CHD5: variants seen among roughly 807,000 people sequenced by gnomAD.
The protein encoded by CHD5 is chromodomain helicase DNA binding protein 5, also known as ATP-dependent chromatin remodeler CHD5.
A neutral mutation model predicts 230.3 loss-of-function variants in CHD5; 69 were observed. The observed-to-expected ratio is 0.30, with a 90% confidence interval of 0.25 to 0.37. CHD5 has a LOEUF of 0.37. Ranked by LOEUF, CHD5 falls within the 10% of genes least tolerant of loss-of-function variation. CHD5 has a pLI of 1.00. For synonymous variants in CHD5, 1,064 were observed against 1,065.9 expected (o/e 1.00, Z 0.03); for missense variants, 1,827 against 2,622.8 (o/e 0.70, Z 6.63).
In CHD5 at chr1:6,127,216, G is replaced by T. The variant is rs114664570; in HGVS notation, c.3904-470C>A. ...GAAAAGTGTGGGGTGGACCAGGCGTGGTGGCTCATTCCTTAACCCCAGAAC... is the reference window on the plus strand; with the variant it reads ...GAAAAGTGTGGGGTGGACCAGGCGTTGTGGCTCATTCCTTAACCCCAGAAC... On this transcript the variant is annotated intron_variant, in intron 25 of 41. Transcript: ENST00000262450. 426 of 167,602 alleles carry T rather than the reference G, an allele frequency of 2.5e-3. 3 individuals are homozygous for T. Among genetic ancestry groups the T allele is most frequent in the African/African-American group, 9.9e-3 (413 of 41,676 alleles). 10.4% of individuals were successfully genotyped at this position (167,602 alleles called of 1,614,324 possible).
In CHD5 at chr1:6,149,037, G is replaced by A. The variant is rs773732605; in HGVS notation, c.1200C>T (p.Asp400=). 4 of 1,587,412 alleles carry A rather than the reference G, an allele frequency of 2.5e-6. No homozygotes were observed. Among genetic ancestry groups the A allele is most frequent in the Non-Finnish European group, 3.4e-6 (4 of 1,167,612 alleles). The change falls in exon 9 of 42, where the codon GAC becomes GAT. Residue 400 remains aspartate, a synonymous_variant. Transcript: ENST00000262450. ...EGIQWEPKDD[D]DEEEEGGCEE... ...CGCAGCCGCCCTCCTCCTCTTCATC[G>A]TCGTCGTCCTTCGGCTCCCACTGGA...
Position 6,146,092 on chromosome 1 carries a change from C to G in CHD5, c.1802+120G>C. 1 of 934,688 alleles carries G rather than the reference C, an allele frequency of 1.1e-6. No individual in the cohort carries two copies. Among genetic ancestry groups the G allele is most frequent in the Non-Finnish European group, 1.6e-6 (1 of 613,782 alleles). 57.9% of individuals were successfully genotyped at this position (934,688 alleles called of 1,614,324 possible). On this transcript the variant is annotated intron_variant, in intron 11 of 41. Transcript: ENST00000262450. The surrounding 1 kb of genome is among the most constrained non-coding windows in gnomAD (Gnocchi z 5.1). The stretch of plus-strand genomic sequence containing the variant: ...GCCCCTGCTGTGCCCACATGTGGTT[C>G]TGCACGGCAGCCCCAAAGCAAGGGC...
chr1:6,178,286 C>CGAA (rs1190960271), intron 1 of CHD5, among the ~76,000 whole-genome samples: 4,907 of 152,104 alleles, frequency 0.032, 266 homozygotes, highest in African/African-American at 0.11. Context: ...GGGCACCTTC[C>CGAA]CTGGCCTCTT....
At chr1:6,140,967 A>AAAT (rs60543576) in intron 15 of CHD5, among the ~76,000 whole-genome samples, 19,632 of 139,718 alleles carry the variant, frequency 0.14, 1,603 homozygotes, top group East Asian at 0.43. Context: ...CCCTGTCTCA[A>AAAT]AATAATAATA....
chr1:6,173,688 C>A (rs1169572326), intron 1 of CHD5, among the ~76,000 whole-genome samples: 1 of 152,140 alleles, frequency 6.6e-6, no homozygotes, highest in Non-Finnish European at 1.5e-5. Context: ...GCAGGCAGAG[C>A]CCAGCGAGAC....
intron 3 of CHD5, among the ~76,000 whole-genome samples, chr1:6,158,438 G>C (rs1571166119): frequency 1.3e-5 from 2 of 152,142 alleles, no homozygotes; most frequent in East Asian, 3.8e-4. Context: ...TTATTTTCCC[G>C]AATTGCTCCA....
chr1:6,106,324 T>A (rs370640647), intron 40 of CHD5, 37 bp from the exon 41 acceptor site: 95 of 1,612,580 alleles, frequency 5.9e-5, no homozygotes, highest in Non-Finnish European at 7.5e-5. Flanking sequence ...TTGCCTGACG[T>A]TGGCAGCAGC....
chr1:6,164,655 G>A (rs1209565205), intron 2 of CHD5, among the ~76,000 whole-genome samples: 2 of 152,138 alleles, frequency 1.3e-5, no homozygotes, highest in Non-Finnish European at 2.9e-5. Flanking sequence ...GGGGCTCCTA[G>A]TCTGCCAGGC....
chr1:6,130,073 A>C lies in CHD5; in HGVS notation c.3387+131T>G. On this transcript the variant is annotated intron_variant, in intron 22 of 41. Coordinates refer to ENST00000262450, the MANE Select transcript of CHD5 (RefSeq NM_015557.3). The surrounding 1 kb of genome is among the most constrained non-coding windows in gnomAD (Gnocchi z 4.9). ...GAGCCCCTCTTGGGGCCGAGACTCC[A>C]CGGGGGAGGGAGGCCCACAGCACCA... The C allele has an allele frequency of 9.4e-7, 1 of 1,065,748 alleles. No individual in the cohort carries two copies. Among genetic ancestry groups the C allele is most frequent in the Non-Finnish European group, 1.4e-6 (1 of 721,136 alleles). 66.0% of individuals were successfully genotyped at this position (1,065,748 alleles called of 1,614,324 possible).
intron 17 of CHD5, 48 bp downstream of exon 17, chr1:6,136,469 G>T: frequency 6.2e-7 from 1 of 1,604,350 alleles, no homozygotes; most frequent in Non-Finnish European, 8.5e-7. Flanking sequence ...CTTCACTGGG[G>T]CCACCCAGCC....
In CHD5 at chr1:6,111,808, C is replaced by A; in HGVS notation, c.5216G>T (p.Arg1739Leu). Residue 1739 changes from arginine (R) to leucine (L), a missense_variant, in exon 36 of 42, where the codon CGC becomes CTC. Arg to Leu is a moderately radical substitution (Grantham distance 102). This residue lies in a region of CHD5 where 272 missense variants were observed against 263.2 expected (regional missense o/e 1.03). Transcript: ENST00000262450. ...SGKIYDIWHRRHDYWLLAGIV... is the reference protein window; with the variant it reads ...SGKIYDIWHRLHDYWLLAGIV... Reference sequence around the variant, plus strand: ...GCCCGCCAGCAGCCAGTAGTCATGGCGCCGGTGCCAGATGTCGTAGATTTT... The same window carrying A: ...GCCCGCCAGCAGCCAGTAGTCATGGAGCCGGTGCCAGATGTCGTAGATTTT... 1.2e-6 allele frequency: 2 copies of A among 1,613,536 alleles called. No individual in the cohort carries two copies. The highest frequency in any genetic ancestry group is 1.1e-5 in the South Asian group (1 of 91,074).
At chr1:6,165,528 G>A (rs568170021) in intron 2 of CHD5, among the ~76,000 whole-genome samples, 1 of 152,204 alleles carries the variant, frequency 6.6e-6, no homozygotes, top group Non-Finnish European at 1.5e-5. Flanking sequence ...ACGAGGCCTC[G>A]GGGTCCTAAA....
At position 6,154,703 on chromosome 1, in the gene CHD5, G is replaced by A. The variant is rs1247594863; in HGVS notation, c.702C>T (p.Pro234=). The A allele has an allele frequency of 6.2e-7, 1 of 1,601,128 alleles. No homozygotes were observed. Among genetic ancestry groups the A allele is most frequent in the Non-Finnish European group, 8.5e-7 (1 of 1,172,654 alleles). The change falls in exon 5 of 42, where the codon CCC becomes CCT. Residue 234 remains proline (P), a synonymous_variant. Coordinates refer to ENST00000262450, the MANE Select transcript of CHD5 (RefSeq NM_015557.3). The surrounding 1 kb of genome is among the most constrained non-coding windows in gnomAD (Gnocchi z 7.0). The part of the protein sequence containing the change: ...PPLAVSPPQV[P]QPVPIRKAKT... ...TGGCCTTGCGGATAGGCACAGGCTG[G>A]GGCACCTGCGGGGGGCTGACGGCTA...
At position 6,112,278 on chromosome 1, in the gene CHD5, C is replaced by CT. The variant is rs1377178690; in HGVS notation, c.5003-2dup. 2 of 1,613,642 alleles carry CT rather than the reference C, an allele frequency of 1.2e-6. No homozygotes were observed. Among genetic ancestry groups the CT allele is most frequent in the Admixed American group, 3.3e-5 (2 of 59,942 alleles). On this transcript the variant is annotated splice_acceptor_variant, in intron 34 of 41. Coordinates refer to ENST00000262450, the MANE Select transcript of CHD5 (RefSeq NM_015557.3). LOFTEE classifies it high-confidence loss of function. ...TCCTTCTCCTCAGCCTTGGTGTCATCTGCCGGGGACAGATCACATTCATTC... is the reference window on the plus strand; with the variant it reads ...TCCTTCTCCTCAGCCTTGGTGTCATCTTGCCGGGGACAGATCACATTCATTC...
At position 6,154,522 on chromosome 1, in the gene CHD5, TCA is replaced by T; in HGVS notation, c.745+136_745+137del. 1.5e-6 allele frequency: 1 copy of T among 683,522 alleles called. No homozygotes were observed. The highest frequency in any genetic ancestry group is 2.3e-6 in the Non-Finnish European group (1 of 435,796). The allele number at this position is 683,522 out of a possible 1,614,324, so 42.3% of individuals were successfully genotyped here. ...TGAGAAAGGACCGGGCAATCCAAGG[TCA>T]CACAGGCACAGAGCCCTCCATTAGG... On this transcript the variant is annotated intron_variant, in intron 5 of 41. Transcript: ENST00000262450. This position sits in a 1 kb window ranked among gnomAD's most constrained non-coding sequence, Gnocchi z 7.0.
intron 1 of CHD5, among the ~76,000 whole-genome samples, chr1:6,169,069 A>G (rs1328515690): frequency 6.6e-6 from 1 of 151,974 alleles, no homozygotes; most frequent in African/African-American, 2.4e-5. Context: ...AGGGACACTC[A>G]AGCCCCAAAC....
chr1:6,136,350 C>T (rs1666746593), intron 17 of CHD5, among the ~76,000 whole-genome samples, 167 bp downstream of exon 17: 2 of 152,040 alleles, frequency 1.3e-5, no homozygotes, highest in Non-Finnish European at 2.9e-5. Flanking sequence ...CACCCCAACA[C>T]CCTGCTCCTG....
At position 6,110,508 on chromosome 1, in the gene CHD5, C is replaced by A. The variant is rs757896112; in HGVS notation, c.5268G>T (p.Trp1756Cys). 1 of 1,613,836 alleles carries A rather than the reference C, an allele frequency of 6.2e-7. No homozygotes were observed. The highest frequency in any genetic ancestry group is 8.5e-7 in the Non-Finnish European group (1 of 1,179,986). ...ACCGTGGGTCATTCTGGATGTCCTG[C>A]CAGCGGGCGTAGCCGTGCCTGGGTG... ...AGIVTHGYAR[W>C]QDIQNDPRYM... Residue 1756 changes from tryptophan (W) to cysteine (C), a missense_variant, in exon 37 of 42, where the codon TGG becomes TGT. Physicochemically the swap from Trp to Cys is radical, Grantham distance 215 (BLOSUM62 -2). Transcript: ENST00000262450.
chr1:6,158,746 A>G (rs911225187), intron 3 of CHD5, among the ~76,000 whole-genome samples: 2 of 152,034 alleles, frequency 1.3e-5, no homozygotes, highest in East Asian at 1.9e-4. Flanking sequence ...GGTGGCTCAC[A>G]CCTGTAATCC....
Sources: gnomAD v4.1 joint callset for allele counts (sites outside exome capture counted in the v4.1 genomes callset) on GRCh38, gnomAD v4.1.1 for gene constraint, gnomAD v4.1.1 regional missense constraint, Gnocchi (gnomAD v3.1) non-coding constraint, MANE v1.5 for transcripts, NCBI Gene and HGNC (gene_info 2026-07-23, HGNC 2026-07-21) for gene names.